The following TMEM260 variants were observed in gnomAD, a reference collection of about 807,000 sequenced individuals.
TMEM260 encodes transmembrane protein 260, also known as protein O-mannosyl-transferase TMEM260.
In TMEM260, 82 loss-of-function variants were observed where a neutral mutation model predicts 88.9. The ratio of observed to expected loss-of-function variants is 0.92; its 90% CI spans 0.77 to 1.11. The LOEUF (loss-of-function observed/expected upper bound fraction) is 1.11. Ranked by LOEUF, TMEM260 falls within the 50% of genes least tolerant of loss-of-function variation. The probability of loss-of-function intolerance (pLI) is 0.00; values close to 1 mark genes in which losing one functional copy is unlikely to be tolerated. For synonymous variants in TMEM260, 314 were observed against 309.3 expected (o/e 1.02, Z -0.16); for missense variants, 902 against 853.4 (o/e 1.06, Z -0.71).
At chr14:56,635,092 T>C in intron 14 of TMEM260, 140 bp downstream of exon 14, 1 of 701,970 alleles carries the variant, frequency 1.4e-6, no homozygotes, top group Admixed American at 2.5e-5. Flanking sequence ...TTTGAGGCAC[T>C]GTACTAATCA....
At chr14:56,596,795 A>AAATG (rs1555334865) in intron 3 of TMEM260, among the ~76,000 whole-genome samples, 143 of 106,302 alleles carry the variant, frequency 1.3e-3, no homozygotes, top group East Asian at 0.013. Context: ...AAAAAAAAAA[A>AAATG]TATATATATA....
intron 1 of TMEM260, among the ~76,000 whole-genome samples, chr14:56,580,497 A>G (rs532707923): frequency 1.1e-3 from 173 of 152,366 alleles, no homozygotes; most frequent in Non-Finnish European, 1.6e-3. Flanking sequence ...AAGTTAATGA[A>G]TAAACAGCAT....
At chr14:56,618,133 A>G (rs1261880825) in intron 9 of TMEM260, among the ~76,000 whole-genome samples, 1 of 152,048 alleles carries the variant, frequency 6.6e-6, no homozygotes, top group Non-Finnish European at 1.5e-5. Flanking sequence ...TCCAGGAGAA[A>G]GTGAGATGAA....
At chr14:56,643,695 G>A (rs1159929923) in intron 15 of TMEM260, among the ~76,000 whole-genome samples, 23 of 152,222 alleles carry the variant, frequency 1.5e-4, no homozygotes, top group Admixed American at 3.9e-4. Flanking sequence ...AAGGGCATTC[G>A]ATTAGGAAAA....
chr14:56,644,385 C>G lies in TMEM260; in HGVS notation c.1870-2858C>G, dbSNP rs575874772. 4.2e-3 allele frequency among the ~76,000 whole-genome samples: 633 copies of G among 152,202 alleles called. 6 individuals are homozygous for G. The highest frequency in any genetic ancestry group is 0.011 in the African/African-American group (440 of 41,532). On this transcript the variant is annotated intron_variant, in intron 15 of 15. Coordinates refer to ENST00000261556, the MANE Select transcript of TMEM260 (RefSeq NM_017799.4). The stretch of plus-strand genomic sequence containing the variant: ...AATATCTGATCTTTGACAAACCTGA[C>G]AAAAACAAGCAATGGGGAAAGGATT...
At chr14:56,652,775 A>G (rs762261292), downstream of TMEM260, among the ~76,000 whole-genome samples, 6 of 152,186 alleles carry the variant, frequency 3.9e-5, no homozygotes, top group Non-Finnish European at 8.8e-5. Flanking sequence ...ATTTTCCCCT[A>G]AAATTATAGC....
chr14:56,631,637 A>AG (rs1283002820), intron 12 of TMEM260, among the ~76,000 whole-genome samples: 1 of 151,558 alleles, frequency 6.6e-6, no homozygotes, highest in Non-Finnish European at 1.5e-5. Context: ...AAAAAAAAAA[A>AG]AGAGACTGTG....
At chr14:56,595,285 A>G (rs759549625) in intron 3 of TMEM260, among the ~76,000 whole-genome samples, 2 of 151,962 alleles carry the variant, frequency 1.3e-5, no homozygotes, top group African/African-American at 2.4e-5. Flanking sequence ...TGCACGTTCA[A>G]CTTTTTTTTT....
chr14:56,602,964 A>G (rs993159295), intron 3 of TMEM260, among the ~76,000 whole-genome samples: 22 of 152,340 alleles, frequency 1.4e-4, no homozygotes, highest in African/African-American at 5.0e-4. Context: ...TATTAGAAAT[A>G]GGCATTTCAT....
chr14:56,596,637 C>T (rs1473160886), intron 3 of TMEM260, among the ~76,000 whole-genome samples: 5 of 150,042 alleles, frequency 3.3e-5, no homozygotes, highest in Admixed American at 2.6e-4. Context: ...GTGGTGCATG[C>T]CTGTAATCCC....
chr14:56,650,928 C>T (rs545463248), downstream of TMEM260, among the ~76,000 whole-genome samples: 11 of 152,200 alleles, frequency 7.2e-5, no homozygotes, highest in South Asian at 1.9e-3. Flanking sequence ...TTTATAAATG[C>T]ATCAACACAG....
intron 6 of TMEM260, among the ~76,000 whole-genome samples, chr14:56,609,850 TTAAA>T (rs1887143346): frequency 6.6e-6 from 1 of 152,184 alleles, no homozygotes; most frequent in Non-Finnish European, 1.5e-5. Context: ...GGGGAACACA[TTAAA>T]TATAGTCACA....
At chr14:56,662,748 G>A in the TMEM260 span, among the ~76,000 whole-genome samples, 7 of 152,182 alleles carry the variant, frequency 4.6e-5, no homozygotes, top group African/African-American at 9.7e-5. Context: ...GCCGAACTAC[G>A]CTCACATCCA....
At chr14:56,623,411 A>G (rs2139602844) in intron 11 of TMEM260, among the ~76,000 whole-genome samples, 1 of 152,150 alleles carries the variant, frequency 6.6e-6, no homozygotes, top group African/African-American at 2.4e-5. Flanking sequence ...CTCTCTATTT[A>G]TTGGAAATAA....
At chr14:56,643,440 C>A (rs1369702261) in intron 15 of TMEM260, among the ~76,000 whole-genome samples, 4 of 152,048 alleles carry the variant, frequency 2.6e-5, no homozygotes, top group African/African-American at 7.3e-5. Context: ...GCAGAAAAGG[C>A]CTTTGACAAA....
At chr14:56,592,941 T>C (rs1421427748) in intron 3 of TMEM260, among the ~76,000 whole-genome samples, 1 of 152,212 alleles carries the variant, frequency 6.6e-6, no homozygotes, top group Non-Finnish European at 1.5e-5. Context: ...AAATGTGTGT[T>C]CGGAAAGAAT....
At chr14:56,655,152 G>A (rs944180944), downstream of TMEM260, among the ~76,000 whole-genome samples, 4 of 152,146 alleles carry the variant, frequency 2.6e-5, no homozygotes, top group Non-Finnish European at 5.9e-5. Flanking sequence ...AGCACTTTGG[G>A]AGGCTGAGGC....
intron 4 of TMEM260, among the ~76,000 whole-genome samples, chr14:56,604,857 C>T (rs1886799141): frequency 1.3e-5 from 2 of 152,086 alleles, no homozygotes; most frequent in Non-Finnish European, 2.9e-5. Context: ...TGGAAAATTA[C>T]TGAGAGGAAG....
At chr14:56,593,600 T>C (rs1344977794) in intron 3 of TMEM260, among the ~76,000 whole-genome samples, 2 of 151,486 alleles carry the variant, frequency 1.3e-5, no homozygotes, top group African/African-American at 4.8e-5. Flanking sequence ...TCCGTTATTA[T>C]GAGATCTTAG....
Sources: allele counts gnomAD v4.1 joint callset (sites outside exome capture counted in the v4.1 genomes callset), GRCh38; gene constraint gnomAD v4.1.1; transcripts MANE v1.5; gene names NCBI Gene and HGNC (gene_info 2026-07-23, HGNC 2026-07-21).